The following SLC16A7 variants were observed in gnomAD, a reference collection of about 807,000 sequenced individuals.
SLC16A7 encodes monocarboxylate transporter 2.
In SLC16A7, 33 loss-of-function variants were observed where a neutral mutation model predicts 34.9. The ratio of observed to expected loss-of-function variants is 0.94; its 90% CI spans 0.72 to 1.26. SLC16A7 has a LOEUF of 1.26. SLC16A7 is among the 50% of genes most tolerant of loss of function. SLC16A7 has a pLI of 0.00. For missense variants in SLC16A7, 573 were observed against 578.1 expected (o/e 0.99, Z 0.09); for synonymous variants, 201 against 206.6 (o/e 0.97, Z 0.23).
In SLC16A7 at chr12:59,787,356, T is replaced by C. The variant is rs1376680182; in HGVS notation, c.*7677T>C. On this transcript the variant is annotated 3_prime_UTR_variant, in exon 6 of 6. Transcript: ENST00000547379. ...TAGAGTAAGTTCTATCTCAAAAATTTCTTATTTTATGAATGTTTTCTTCAC... is the reference window on the plus strand; with the variant it reads ...TAGAGTAAGTTCTATCTCAAAAATTCCTTATTTTATGAATGTTTTCTTCAC... 2.6e-5 allele frequency: 4 copies of C among 152,172 alleles called. No individual in the cohort carries two copies. The highest frequency in any genetic ancestry group is 9.6e-5 in the African/African-American group (4 of 41,464). 9.4% of individuals were successfully genotyped at this position (152,172 alleles called of 1,614,324 possible).
chr12:59,741,364 C>T (rs961911266), intron 3 of SLC16A7, among the ~76,000 whole-genome samples: 13 of 152,084 alleles, frequency 8.5e-5, no homozygotes, highest in African/African-American at 2.7e-4. Context: ...AATGTGGTGT[C>T]AGGAGGAACA....
intron 3 of SLC16A7, among the ~76,000 whole-genome samples, chr12:59,728,254 G>A (rs934044130): frequency 2.6e-5 from 4 of 152,136 alleles, no homozygotes; most frequent in Non-Finnish European, 5.9e-5. Flanking sequence ...AGGTGGAAGA[G>A]CATGGGCACT....
chr12:59,773,996 T>C (rs1366363587), intron 4 of SLC16A7, among the ~76,000 whole-genome samples: 1 of 152,226 alleles, frequency 6.6e-6, no homozygotes, highest in East Asian at 1.9e-4. Context: ...AGTGGGACTT[T>C]GGCTCATATA....
At chr12:59,684,536 C>A (rs527329332) in intron 2 of SLC16A7, among the ~76,000 whole-genome samples, 1 of 152,182 alleles carries the variant, frequency 6.6e-6, no homozygotes, top group South Asian at 2.1e-4. Flanking sequence ...AACCAAAGGT[C>A]AGAAAAACAT....
chr12:59,678,653 G>A (rs113370623), intron 2 of SLC16A7, among the ~76,000 whole-genome samples: 10,820 of 152,152 alleles, frequency 0.071, 427 homozygotes, highest in Middle Eastern at 0.17. Context: ...GGCAGCCACG[G>A]GTAGGCATGG....
At chr12:59,652,920 C>T (rs1295886174) in intron 1 of SLC16A7, among the ~76,000 whole-genome samples, 1 of 151,758 alleles carries the variant, frequency 6.6e-6, no homozygotes, top group Non-Finnish European at 1.5e-5. Context: ...GTGAAGGTTA[C>T]TTGGAAGATG....
intron 3 of SLC16A7, among the ~76,000 whole-genome samples, chr12:59,726,273 A>G (rs1299678922): frequency 6.6e-6 from 1 of 152,182 alleles, no homozygotes; most frequent in Non-Finnish European, 1.5e-5. Context: ...TTGGGAATAT[A>G]AAGAATGGCT....
intron 1 of SLC16A7, among the ~76,000 whole-genome samples, chr12:59,631,659 G>C (rs879790013): frequency 6.6e-6 from 1 of 151,950 alleles, no homozygotes; most frequent in African/African-American, 2.4e-5. Context: ...AGTCCAGCAT[G>C]TATTGGATAT....
At position 59,765,538 on chromosome 12, in the gene SLC16A7, G is replaced by C. The variant is rs1362069751; in HGVS notation, c.218-5681G>C. 2.0e-5 allele frequency among the ~76,000 whole-genome samples: 3 copies of C among 152,156 alleles called. No individual in the cohort carries two copies. In the East Asian group the frequency reaches 5.8e-4, roughly 29 times the overall value. On this transcript the variant is annotated intron_variant, in intron 3 of 5. Coordinates refer to ENST00000547379, the MANE Select transcript of SLC16A7 (RefSeq NM_001270623.2). ...GATGTAAGGAAGGGATCCAGTTTCA[G>C]CTTTCTACATATGGCTAGCCAGTTT...
intron 2 of SLC16A7, among the ~76,000 whole-genome samples, chr12:59,667,708 C>G (rs1056055716): frequency 1.3e-5 from 2 of 152,182 alleles, no homozygotes; most frequent in Non-Finnish European, 2.9e-5. Context: ...CAGACATTTG[C>G]CTAAGTAACA....
rs1386233837 is a variant in SLC16A7 at position 59,771,365 on chromosome 12, A to G, written c.361+3A>G. ...CCTCACTATGGGATTCATTACAGGT[A>G]AGCCATTTAGTCTTCAGCTTATTCT... On this transcript the variant is annotated splice_donor_region_variant and intron_variant, in intron 4 of 5. Transcript: ENST00000547379. 1.3e-6 allele frequency: 2 copies of G among 1,587,562 alleles called. No individual in the cohort carries two copies. The highest frequency in any genetic ancestry group is 1.7e-4 in the Middle Eastern group (1 of 5,978).
In SLC16A7 at chr12:59,740,225, G is replaced by A. The variant is rs375488562; in HGVS notation, c.218-30994G>A. On this transcript the variant is annotated intron_variant, in intron 3 of 5. Coordinates refer to ENST00000547379, the MANE Select transcript of SLC16A7 (RefSeq NM_001270623.2). ...CCATCTTGAATTAATTTTTGTATAA[G>A]GTGTAAGGAAGGGATCCAGTTTCAG... Among the ~76,000 whole-genome samples the A allele has an allele frequency of 1.3e-3, 190 of 151,794 alleles. 3 individuals are homozygous for A. In the South Asian group the frequency reaches 0.02, roughly 16 times the overall value.
rs956249228 is a variant in SLC16A7 at position 59,787,128 on chromosome 12, T to C, written c.*7449T>C. The stretch of plus-strand genomic sequence containing the variant: ...AGAAAACATGTCAATATCTCATTAA[T>C]TCCTTTTTTATTTTATGTTCCTTTT... On this transcript the variant is annotated 3_prime_UTR_variant, in exon 6 of 6. Transcript: ENST00000547379. 1.3e-5 allele frequency: 2 copies of C among 152,206 alleles called. No homozygotes were observed. The highest frequency in any genetic ancestry group is 4.8e-5 in the African/African-American group (2 of 41,470). The allele number at this position is 152,206 out of a possible 1,614,324, so 9.4% of individuals were successfully genotyped here.
chr12:59,710,851 G>A (rs952006727), intron 3 of SLC16A7, among the ~76,000 whole-genome samples: 2 of 152,158 alleles, frequency 1.3e-5, no homozygotes, highest in Non-Finnish European at 2.9e-5. Flanking sequence ...CAAATCAGAG[G>A]AGAAGCAGAG....
At chr12:59,717,250 C>T (rs1024373156) in intron 3 of SLC16A7, among the ~76,000 whole-genome samples, 4 of 152,152 alleles carry the variant, frequency 2.6e-5, no homozygotes, top group African/African-American at 7.2e-5. Context: ...CCACTTCCAT[C>T]AGAAATATGC....
Position 59,646,546 on chromosome 12 carries a change from A to G in SLC16A7, c.-129-8606A>G, listed in dbSNP as rs139444242. On this transcript the variant is annotated intron_variant, in intron 1 of 5. Transcript: ENST00000547379. Reference sequence around the variant, plus strand: ...AAGTCTGCTGCAGGGTGGAGCTCTTATGGAGAATCTCTGCTAGGGCTAGGG... The same window carrying G: ...AAGTCTGCTGCAGGGTGGAGCTCTTGTGGAGAATCTCTGCTAGGGCTAGGG... 2.1e-3 allele frequency among the ~76,000 whole-genome samples: 318 copies of G among 152,262 alleles called. 1 individual carries two copies. Among genetic ancestry groups the G allele is most frequent in the Middle Eastern group, 0.017 (5 of 294 alleles).
chr12:59,666,205 TATTA>T (rs1234768033), intron 2 of SLC16A7, among the ~76,000 whole-genome samples: 1 of 152,214 alleles, frequency 6.6e-6, no homozygotes, highest in Non-Finnish European at 1.5e-5. Context: ...AGTTGATGGT[TATTA>T]GTCAATATTC....
At chr12:59,753,210 T>C (rs967694978) in intron 3 of SLC16A7, among the ~76,000 whole-genome samples, 17 of 152,174 alleles carry the variant, frequency 1.1e-4, no homozygotes, top group African/African-American at 4.1e-4. Flanking sequence ...ACGAGCAAAA[T>C]AACCAGCTAA....
At chr12:59,771,041 CT>C (rs1882172513) in intron 3 of SLC16A7, among the ~76,000 whole-genome samples, 177 bp from the exon 4 acceptor site, 3 of 152,248 alleles carry the variant, frequency 2.0e-5, no homozygotes, top group African/African-American at 7.2e-5. Flanking sequence ...TGAAAATAAC[CT>C]GTCAAACTGA....
Sources: allele counts gnomAD v4.1 joint callset (sites outside exome capture counted in the v4.1 genomes callset), GRCh38; gene constraint gnomAD v4.1.1; transcripts MANE v1.5; gene names NCBI Gene and HGNC (gene_info 2026-07-23, HGNC 2026-07-21).